Variants in ODAM observed in about 807,000 individuals in gnomAD.
ODAM encodes odontogenic ameloblast-associated protein.
Under a neutral mutation model 48.5 loss-of-function variants are expected in ODAM, and 55 were observed. That is an observed-to-expected ratio of 1.13 (90% CI 0.91 to 1.42). The LOEUF is 1.42. Ranked by LOEUF, ODAM falls within the 40% of genes most tolerant of loss-of-function variation. The pLI, the probability that ODAM is intolerant of heterozygous loss-of-function variation, is 0.00. For missense variants in ODAM, 353 were observed against 323.6 expected (o/e 1.09, Z -0.70); for synonymous variants, 127 against 107.8 (o/e 1.18, Z -1.10).
At chr4:70,196,072 A>G (rs1045395590) in intron 1 of ODAM, among the ~76,000 whole-genome samples, 5 of 152,000 alleles carry the variant, frequency 3.3e-5, no homozygotes, top group African/African-American at 1.2e-4. Flanking sequence ...ACTAAGTGGA[A>G]ATTATCTGGT....
rs1729427656 is a variant in ODAM, at chr4:70,198,460, T to C, written c.376-119T>C. ...GCACATGTAACGGATGACTTTTTGT[T>C]GTGGAAACTTGTTAACACAAAGGAT... On this transcript the variant is annotated intron_variant, in intron 5 of 11. Transcript: ENST00000683306. 4 of 782,374 alleles carry C rather than the reference T, an allele frequency of 5.1e-6. No homozygotes were observed. In the South Asian group the frequency reaches 7.4e-5, roughly 15 times the overall value. The allele number at this position is 782,374 out of a possible 1,614,324, so 48.5% of individuals were successfully genotyped here. A position where few individuals can be genotyped will look rare whatever the true frequency, so the allele number is the denominator to read the frequency against.
chr4:70,201,940 C>T (rs1729502481), intron 8 of ODAM, among the ~76,000 whole-genome samples: 1 of 151,786 alleles, frequency 6.6e-6, no homozygotes, highest in Admixed American at 6.6e-5. Flanking sequence ...GTATGGTGAC[C>T]TTACTTCAGA....
At position 70,198,170 on chromosome 4, in the gene ODAM, T is replaced by C; in HGVS notation, c.375+13T>C. On this transcript the variant is annotated intron_variant, in intron 5 of 11. Transcript: ENST00000683306. ...AGGCCCCAGTCACGTAAGTCAGGCC[T>C]CTTTCATTTTGTTCTGAGGAGAGAG... 1 of 1,604,806 alleles carries C rather than the reference T, an allele frequency of 6.2e-7. No individual in the cohort carries two copies. The highest frequency in any genetic ancestry group is 8.5e-7 in the Non-Finnish European group (1 of 1,173,832).
At chr4:70,197,563 G>A (rs1578236133) in intron 4 of ODAM, among the ~76,000 whole-genome samples, 1 of 151,986 alleles carries the variant, frequency 6.6e-6, no homozygotes, top group Admixed American at 6.6e-5. Flanking sequence ...ACAACTATGA[G>A]ATAGTTAAAA....
At chr4:70,201,398 A>G (rs1233015570) in intron 7 of ODAM, 56 bp from the exon 8 acceptor site, 9 of 850,172 alleles carry the variant, frequency 1.1e-5, no homozygotes, top group Non-Finnish European at 1.3e-5. Flanking sequence ...TTTACTGCAA[A>G]CTTACGACAA....
rs550973463 is a variant in ODAM, at chr4:70,201,547, C to T, written c.576+46C>T. The T allele has an allele frequency of 6.5e-5, 65 of 999,256 alleles. No homozygotes were observed. The South Asian group carries it at 8.1e-4, about 13-fold the overall frequency. 61.9% of individuals were successfully genotyped at this position (999,256 alleles called of 1,614,324 possible). ...CATTAAAAATATTTTGAAACTACTT[C>T]CTTCATTGTCTACTAAATCTATCAA... is the stretch of plus-strand genomic sequence containing the variant. On this transcript the variant is annotated intron_variant, in intron 8 of 11. Transcript: ENST00000683306.
rs371346159 is a variant in ODAM, at chr4:70,198,086, G to T, written c.304G>T (p.Gly102Ter). ...AACAGGAGAGGCCAGTTTTGCCCAAGGAGCCCAGGCAGGCCAAGTTGATCC... is the reference window on the plus strand; with the variant it reads ...AACAGGAGAGGCCAGTTTTGCCCAATGAGCCCAGGCAGGCCAAGTTGATCC... ...PLTGEASFAQ[G>*]AQAGQVDPLQ... The change falls in exon 5 of 12, where the codon GGA (glycine) becomes TGA (stop). Residue 102 changes from glycine to a stop codon, truncating the protein, a stop_gained. Coordinates refer to ENST00000683306, the MANE Select transcript of ODAM (RefSeq NM_017855.4). LOFTEE classifies it high-confidence loss of function. 1 of 1,613,228 alleles carries T rather than the reference G, an allele frequency of 6.2e-7. No homozygotes were observed. Among genetic ancestry groups the T allele is most frequent in the Non-Finnish European group, 8.5e-7 (1 of 1,179,508 alleles).
rs780378024 is a variant in ODAM, at chr4:70,197,302, T to A, written c.122T>A (p.Leu41His). 2 of 1,450,640 alleles carry A rather than the reference T, an allele frequency of 1.4e-6. No individual in the cohort carries two copies. The highest frequency in any genetic ancestry group is 3.4e-5 in the Admixed American group (2 of 59,192). The allele number at this position is 1,450,640 out of a possible 1,614,324, so 89.9% of individuals were successfully genotyped here. The change falls in exon 4 of 12, where the codon CTT becomes CAT. Residue 41 changes from leucine (L) to histidine (H), a missense_variant. Transcript: ENST00000683306. ...ELLLNLNNGQ[L>H]LPLQLQGPLN... Reference sequence around the variant, plus strand: ...CTTCTTAATCTTAATAATGGTCAACTTTTGCCACTACAACTTCAGGTACCT... The same window carrying A: ...CTTCTTAATCTTAATAATGGTCAACATTTGCCACTACAACTTCAGGTACCT...
Position 70,198,490 on chromosome 4 carries a change from T to G in ODAM, c.376-89T>G, listed in dbSNP as rs1388684256. 9.7e-6 allele frequency: 10 copies of G among 1,026,038 alleles called. No individual in the cohort carries two copies. In the African/African-American group the frequency reaches 9.9e-5, roughly 10 times the overall value. 63.6% of individuals were successfully genotyped at this position (1,026,038 alleles called of 1,614,324 possible). ...AAACTTGTTAACACAAAGGATAAAT[T>G]TATATGGCTAGCTCTAGGAAAAGCA... On this transcript the variant is annotated intron_variant, in intron 5 of 11. Coordinates refer to ENST00000683306, the MANE Select transcript of ODAM (RefSeq NM_017855.4).
intron 9 of ODAM, among the ~76,000 whole-genome samples, chr4:70,202,549 T>G (rs1729523231): frequency 6.6e-6 from 1 of 151,976 alleles, no homozygotes; most frequent in African/African-American, 2.4e-5. Flanking sequence ...TGCACCTTTA[T>G]TTAAAAGCAG....
Position 70,204,325 on chromosome 4 carries a change from T to C in ODAM, c.*180T>C, listed in dbSNP as rs989259625. ...GTTATTAAACTCTTTAAATATGTCA[T>C]AGAAAATAATACAATCATGTAATGA... On this transcript the variant is annotated 3_prime_UTR_variant, in exon 12 of 12. Transcript: ENST00000683306. The C allele has an allele frequency of 6.6e-6, 1 of 152,056 alleles. No homozygotes were observed. The highest frequency in any genetic ancestry group is 2.4e-5 in the African/African-American group (1 of 41,434). The allele number at this position is 152,056 out of a possible 1,614,324, so 9.4% of individuals were successfully genotyped here.
At chr4:70,202,216 C>T (rs745386675) in intron 8 of ODAM, 42 bp from the exon 9 acceptor site, 58 of 1,480,726 alleles carry the variant, frequency 3.9e-5, no homozygotes, top group Admixed American at 1.2e-4. Flanking sequence ...ATATTTTCAA[C>T]GATCACTGAT....
intron 6 of ODAM, among the ~76,000 whole-genome samples, chr4:70,199,180 T>G (rs530140685): frequency 4.1e-4 from 63 of 152,150 alleles, no homozygotes; most frequent in Non-Finnish European, 7.6e-4. Flanking sequence ...TAAAAATGAA[T>G]GCAAACTAGT....
At chr4:70,197,225 C>A in intron 3 of ODAM, 49 bp from the exon 4 acceptor site, 1 of 858,244 alleles carries the variant, frequency 1.2e-6, no homozygotes, top group South Asian at 1.4e-5. Context: ...TGTTCCTACT[C>A]ATTTTAGTGT....
intron 9 of ODAM, 100 bp downstream of exon 9, chr4:70,202,429 CAAT>C (rs1349887446): frequency 2.0e-6 from 2 of 1,011,756 alleles, no homozygotes; most frequent in Non-Finnish European, 3.1e-6. Context: ...GTAATTCCAT[CAAT>C]AATTTTTGCT....
chr4:70,196,797 G>A, intron 3 of ODAM, 64 bp downstream of exon 3: 1 of 1,330,588 alleles, frequency 7.5e-7, no homozygotes, highest in South Asian at 1.3e-5. Flanking sequence ...GGAAGAGATA[G>A]AAGTCGTCAT....
chr4:70,202,749 T>G lies in ODAM; in HGVS notation c.649-7T>G, dbSNP rs761060906. 3.5e-5 allele frequency: 56 copies of G among 1,598,058 alleles called. No homozygotes were observed. Among genetic ancestry groups the G allele is most frequent in the Non-Finnish European group, 2.2e-5 (26 of 1,173,040 alleles). ...GACAACTTTGTTTTCATTCTCATTCTCTGTAGTCAACAGGAGAAGAGATAC... is the reference window on the plus strand; with the variant it reads ...GACAACTTTGTTTTCATTCTCATTCGCTGTAGTCAACAGGAGAAGAGATAC... On this transcript the variant is annotated splice_polypyrimidine_tract_variant and splice_region_variant and intron_variant, in intron 9 of 11. Coordinates refer to ENST00000683306, the MANE Select transcript of ODAM (RefSeq NM_017855.4).
At chr4:70,201,346 G>A in intron 7 of ODAM, 108 bp from the exon 8 acceptor site, 1 of 571,690 alleles carries the variant, frequency 1.7e-6, no homozygotes, top group Non-Finnish European at 3.1e-6. Flanking sequence ...CTTTAAAAAT[G>A]CTTTTAACTT....
In ODAM at chr4:70,202,770, G is replaced by T. The variant is rs1406231831; in HGVS notation, c.663G>T (p.Glu221Asp). ...ATTCTCTGTAGTCAACAGGAGAAGA[G>T]ATACCATATTTACAAAAAGAAGCGA... ...PEIAVMSTGE[E>D]IPYLQKEAIN... The change falls in exon 10 of 12, where the codon GAG (glutamate) becomes GAT (aspartate). Residue 221 changes from glutamate to aspartate, a missense_variant. Coordinates refer to ENST00000683306, the MANE Select transcript of ODAM (RefSeq NM_017855.4). The T allele has an allele frequency of 3.7e-6, 6 of 1,610,200 alleles. No homozygotes were observed. The African/African-American group carries it at 8.0e-5, about 22-fold the overall frequency.
Sources: allele counts gnomAD v4.1 joint callset (sites outside exome capture counted in the v4.1 genomes callset), GRCh38; gene constraint gnomAD v4.1.1; transcripts MANE v1.5; gene names NCBI Gene and HGNC (gene_info 2026-07-23, HGNC 2026-07-21).